APBA3: variants seen among roughly 807,000 people sequenced by gnomAD.
APBA3 encodes amyloid beta precursor protein binding family A member 3.
A neutral mutation model predicts 55.9 loss-of-function variants in APBA3; 45 were observed. That is an observed-to-expected ratio of 0.80 (90% CI 0.63 to 1.03). The LOEUF (loss-of-function observed/expected upper bound fraction) is 1.03, where lower values mean the gene tolerates loss of function less well. APBA3 is among the 50% of genes least tolerant of loss of function. The pLI is 0.00. For synonymous variants in APBA3, 370 were observed against 353.3 expected (o/e 1.05, Z -0.53); for missense variants, 865 against 820.3 (o/e 1.05, Z -0.67).
intron 3 of APBA3, chr19:3,756,742 T>G (rs2037083681): frequency 6.6e-6 from 1 of 151,952 alleles, no homozygotes; most frequent in Non-Finnish European, 1.5e-5. Flanking sequence ...AAAAAAAAAG[T>G]TATTTCACCT....
chr19:3,751,245 C>A lies in APBA3; in HGVS notation c.1600G>T (p.Val534Leu). ...ATGCGGGCGTGTGGCGTGGCCACCA[C>A]ACTCTGCCCATTGATCTCAATGATG... ...HRIIEINGQS[V>L]VATPHARIIE... The change falls in exon 10 of 11, where the codon GTG (valine) becomes TTG (leucine). Residue 534 changes from valine (V) to leucine (L), a missense_variant. Transcript: ENST00000316757. The A allele has an allele frequency of 1.3e-6, 2 of 1,547,472 alleles. No homozygotes were observed. The highest frequency in any genetic ancestry group is 1.7e-6 in the Non-Finnish European group (2 of 1,148,078).
chr19:3,751,344 A>G lies in APBA3; in HGVS notation c.1516-15T>C, dbSNP rs759181500. 6.6e-6 allele frequency: 10 copies of G among 1,522,758 alleles called. No homozygotes were observed. The highest frequency in any genetic ancestry group is 6.1e-5 in the South Asian group (5 of 82,440). The allele number at this position is 1,522,758 out of a possible 1,614,324, so 94.3% of individuals were successfully genotyped here. ...AGGCTGCAGATCTGGGGGAGAAAAG[A>G]GGGGGACGGGAAAGAGGTGGGGGCT... On this transcript the variant is annotated splice_polypyrimidine_tract_variant and intron_variant, in intron 9 of 10. Coordinates refer to ENST00000316757, the MANE Select transcript of APBA3 (RefSeq NM_004886.4).
intron 1 of APBA3, 38 bp from the exon 2 acceptor site, chr19:3,760,339 G>A (rs1466369397): frequency 7.3e-6 from 10 of 1,361,506 alleles, no homozygotes; most frequent in Admixed American, 2.7e-5. Flanking sequence ...TTTCGCCCGG[G>A]TGCAGTGGCT....
chr19:3,755,061 C>G (rs145676453), intron 3 of APBA3: 2 of 152,352 alleles, frequency 1.3e-5, no homozygotes, highest in African/African-American at 4.8e-5. Flanking sequence ...CTAGAACTGG[C>G]CAGCTCTGCC....
intron 3 of APBA3, among the ~76,000 whole-genome samples, chr19:3,758,908 G>GA (rs1208932696): frequency 6.7e-5 from 10 of 149,746 alleles, no homozygotes; most frequent in Admixed American, 3.3e-4. Flanking sequence ...TTCTTTCAAT[G>GA]AAAAAAAAAG....
Position 3,751,113 on chromosome 19 carries a change from G to C in APBA3, c.1657-16C>G. 3.2e-6 allele frequency: 5 copies of C among 1,564,526 alleles called. No individual in the cohort carries two copies. The highest frequency in any genetic ancestry group is 4.3e-6 in the Non-Finnish European group (5 of 1,154,230). On this transcript the variant is annotated splice_polypyrimidine_tract_variant and intron_variant, in intron 10 of 10. Transcript: ENST00000316757. The stretch of plus-strand genomic sequence containing the variant: ...TGATATGCACCTGGGGAGTGGAGGC[G>C]GAACGGGGCTCAGGGCAGGCCTGGG...
Position 3,759,874 on chromosome 19 carries a change from G to A in APBA3, c.391C>T (p.Pro131Ser). 2 of 1,612,458 alleles carry A rather than the reference G, an allele frequency of 1.2e-6. No homozygotes were observed. Among genetic ancestry groups the A allele is most frequent in the Non-Finnish European group, 1.7e-6 (2 of 1,179,798 alleles). Residue 131 changes from proline (P) to serine (S), a missense_variant, in exon 2 of 11, where the codon CCT (proline) becomes TCT (serine). Physicochemically the swap from Pro to Ser is moderately conservative, Grantham distance 74 (BLOSUM62 -1). Coordinates refer to ENST00000316757, the MANE Select transcript of APBA3 (RefSeq NM_004886.4). Reference protein sequence around the residue: ...CPPSQTGPEEPLEPAPRLLQP... With the variant: ...CPPSQTGPEESLEPAPRLLQP... ...AACAGTCGGGGGGCAGGCTCTAGAGGCTCTTCAGGACCAGTCTGGGAAGGC... is the reference window on the plus strand; with the variant it reads ...AACAGTCGGGGGGCAGGCTCTAGAGACTCTTCAGGACCAGTCTGGGAAGGC...
At chr19:3,759,400 C>A (rs2037116177) in intron 3 of APBA3, among the ~76,000 whole-genome samples, 161 bp downstream of exon 3, 2 of 152,180 alleles carry the variant, frequency 1.3e-5, no homozygotes, top group African/African-American at 4.8e-5. Flanking sequence ...GTTCTCAAGG[C>A]TGGCTCTCCT....
chr19:3,755,243 A>G (rs2037062331), intron 3 of APBA3: 1 of 152,158 alleles, frequency 6.6e-6, no homozygotes, highest in African/African-American at 2.4e-5. Flanking sequence ...CAGGTCTCAT[A>G]GCAATTCTGT....
Position 3,760,096 on chromosome 19 carries a change from G to A in APBA3, c.169C>T (p.Leu57Phe), listed in dbSNP as rs1006784288. 6.2e-7 allele frequency: 1 copy of A among 1,613,462 alleles called. No homozygotes were observed. Among genetic ancestry groups the A allele is most frequent in the Non-Finnish European group, 8.5e-7 (1 of 1,180,038 alleles). Residue 57 changes from leucine (L) to phenylalanine (F), a missense_variant, in exon 2 of 11, where the codon CTT becomes TTT. Coordinates refer to ENST00000316757, the MANE Select transcript of APBA3 (RefSeq NM_004886.4). ...TCAAACTGCTGCACCAGCTCCTGAAGGCTTGACTCATCAAGTTCCATCCGA... is the reference window on the plus strand; with the variant it reads ...TCAAACTGCTGCACCAGCTCCTGAAAGCTTGACTCATCAAGTTCCATCCGA... Reference protein sequence around the residue: ...LSRMELDESSLQELVQQFEAL... With the variant: ...LSRMELDESSFQELVQQFEAL...
At chr19:3,753,059 G>A (rs1218259818) in intron 6 of APBA3, 69 bp from the exon 7 acceptor site, 3 of 1,565,594 alleles carry the variant, frequency 1.9e-6, no homozygotes, top group South Asian at 1.2e-5. Flanking sequence ...AGTCCCCAGG[G>A]TCCTCAGAGC....
chr19:3,755,450 G>A (rs549169891), intron 3 of APBA3: 10 of 150,576 alleles, frequency 6.6e-5, no homozygotes, highest in Non-Finnish European at 1.2e-4. Context: ...TGTTCCAGGA[G>A]AATTCTAGAC....
In APBA3 at chr19:3,758,984, G is replaced by A. The variant is rs1367748621; in HGVS notation, c.616+577C>T. 3.9e-5 allele frequency among the ~76,000 whole-genome samples: 6 copies of A among 152,188 alleles called. No individual in the cohort carries two copies. In the East Asian group the frequency reaches 1.2e-3, roughly 29 times the overall value. On this transcript the variant is annotated intron_variant, in intron 3 of 10. Coordinates refer to ENST00000316757, the MANE Select transcript of APBA3 (RefSeq NM_004886.4). ...CGCCTGTAATCTCAGTACTCTGGGA[G>A]GCTGAGGCAGGCAGATCGCTTGAGC...
At position 3,753,841 on chromosome 19, in the gene APBA3, AGCC is replaced by A. The variant is rs1555742796; in HGVS notation, c.932_934del (p.Arg311del). On this transcript the variant is annotated inframe_deletion, in exon 6 of 11. Coordinates refer to ENST00000316757, the MANE Select transcript of APBA3 (RefSeq NM_004886.4). ...GTCCTGGGGTGCCGGCCTCCGTGCC[AGCC>A]GCCGCCGCGCCATCAGCACCAGCAC... 1.3e-6 allele frequency: 2 copies of A among 1,570,442 alleles called. No homozygotes were observed. The highest frequency in any genetic ancestry group is 8.6e-7 in the Non-Finnish European group (1 of 1,159,562).
chr19:3,760,377 G>T, intron 1 of APBA3, 76 bp from the exon 2 acceptor site: 1 of 920,310 alleles, frequency 1.1e-6, no homozygotes, highest in Non-Finnish European at 1.6e-6. Context: ...AATTTTGGGA[G>T]GCCCAGAAGG....
intron 3 of APBA3, chr19:3,756,652 G>A (rs1281648297): frequency 1.3e-5 from 2 of 152,170 alleles, no homozygotes; most frequent in Non-Finnish European, 2.9e-5. Context: ...GAAGCTGGGA[G>A]GCGGAGGTTG....
chr19:3,761,321 A>G (rs1361880804), intron 1 of APBA3, among the ~76,000 whole-genome samples: 1 of 152,044 alleles, frequency 6.6e-6, no homozygotes, highest in Admixed American at 6.6e-5. Context: ...ACCTCCATCC[A>G]GAACTTTAGA....
chr19:3,757,860 C>G (rs2037096863), intron 3 of APBA3, among the ~76,000 whole-genome samples: 1 of 152,248 alleles, frequency 6.6e-6, no homozygotes, highest in Admixed American at 6.5e-5. Context: ...ATTCGAACAT[C>G]AGAGCAGCCA....
At position 3,760,123 on chromosome 19, in the gene APBA3, T is replaced by A; in HGVS notation, c.142A>T (p.Ser48Cys). 1 of 1,613,464 alleles carries A rather than the reference T, an allele frequency of 6.2e-7. No homozygotes were observed. Among genetic ancestry groups the A allele is most frequent in the Non-Finnish European group, 8.5e-7 (1 of 1,180,028 alleles). ...DPMPGGPGSL[S>C]RMELDESSLQ... is the part of the protein sequence containing the mutation. ...CTTGACTCATCAAGTTCCATCCGAC[T>A]GAGGCTGCCGGGGCCTCCTGGCATA... The change falls in exon 2 of 11, where the codon AGT becomes TGT. Residue 48 changes from serine (S) to cysteine (C), a missense_variant. Ser to Cys is a moderately radical substitution (Grantham distance 112). Coordinates refer to ENST00000316757, the MANE Select transcript of APBA3 (RefSeq NM_004886.4).
Sources: gnomAD v4.1 joint callset for allele counts (sites outside exome capture counted in the v4.1 genomes callset) on GRCh38, gnomAD v4.1.1 for gene constraint, MANE v1.5 for transcripts, NCBI Gene and HGNC (gene_info 2026-07-23, HGNC 2026-07-21) for gene names.